TROAP: variants seen among roughly 807,000 people sequenced by gnomAD.
TROAP encodes the protein tastin.
TROAP carries 62 observed loss-of-function variants against 83.4 expected under a neutral mutation model. The observed-to-expected ratio is 0.74, with a 90% CI of 0.61 to 0.92. The LOEUF (loss-of-function observed/expected upper bound fraction) is 0.92, where lower values mean the gene tolerates loss of function less well. Ranked by LOEUF, TROAP falls within the 40% of genes least tolerant of loss-of-function variation. The pLI, the probability that TROAP is intolerant of heterozygous loss-of-function variation, is 0.00. For missense variants in TROAP, 876 were observed against 985.1 expected, an observed-to-expected ratio of 0.89 and a Z score of 1.48; for synonymous variants, 352 against 386.4, an observed-to-expected ratio of 0.91 and a Z score of 1.04.
rs765067340 is a variant in TROAP at position 49,327,181 on chromosome 12, C to T, written c.770-28C>T. The T allele has an allele frequency of 8.1e-6, 13 of 1,613,282 alleles. No individual in the cohort carries two copies. The South Asian group carries it at 1.3e-4, about 16-fold the overall frequency. On this transcript the variant is annotated intron_variant, in intron 7 of 14. Transcript: ENST00000257909. Reference sequence around the variant, plus strand: ...CAAACTTTGGTGGGTGTTCTAGAGTCTACAACAAATGTCCTGTTTCTTCCT... The same window carrying T: ...CAAACTTTGGTGGGTGTTCTAGAGTTTACAACAAATGTCCTGTTTCTTCCT...
At position 49,329,654 on chromosome 12, in the gene TROAP, T is replaced by C; in HGVS notation, c.1164+200T>C. The C allele has an allele frequency of 1.0e-6, 1 of 988,840 alleles. No homozygotes were observed. Among genetic ancestry groups the C allele is most frequent in the Non-Finnish European group, 1.5e-6 (1 of 665,740 alleles). The allele number at this position is 988,840 out of a possible 1,614,324, so 61.3% of individuals were successfully genotyped here. ...CAGCCTGGGCAACATAGTGAGACCCTGTCTCCACTAAAATTTTAAAAATTA... is the reference window on the plus strand; with the variant it reads ...CAGCCTGGGCAACATAGTGAGACCCCGTCTCCACTAAAATTTTAAAAATTA... On this transcript the variant is annotated intron_variant, in intron 11 of 14. Transcript: ENST00000257909. The surrounding 1 kb of genome is among the most constrained non-coding windows in gnomAD (Gnocchi z 4.5).
chr12:49,325,353 G>A (rs1592310211), intron 3 of TROAP, 148 bp from the exon 4 acceptor site: 2 of 798,094 alleles, frequency 2.5e-6, no homozygotes, highest in East Asian at 2.8e-5. Context: ...ACTGCACCCA[G>A]CCATCTATTT....
chr12:49,329,890 A>C lies in TROAP; in HGVS notation c.1198A>C (p.Ser400Arg). ...QVAVRLFDQE[S>R]CIRSLEGSGK... The stretch of plus-strand genomic sequence containing the variant: ...TGCCGTCCGGTTGTTTGACCAGGAG[A>C]GTTGTATAAGGTCACTGGAGGGTTC... Residue 400 changes from serine (S) to arginine (R), a missense_variant, in exon 12 of 15, where the codon AGT becomes CGT. By Grantham distance (110) the Ser-to-Arg change is moderately radical (BLOSUM62 -1). Coordinates refer to ENST00000257909, the MANE Select transcript of TROAP (RefSeq NM_005480.4). This position sits in a 1 kb window ranked among gnomAD's most constrained non-coding sequence, Gnocchi z 4.5. The C allele has an allele frequency of 1.2e-6, 2 of 1,613,522 alleles. No individual in the cohort carries two copies. Among genetic ancestry groups the C allele is most frequent in the South Asian group, 2.2e-5 (2 of 91,054 alleles).
Position 49,324,056 on chromosome 12 carries a change from G to A in TROAP, c.337+19G>A, listed in dbSNP as rs769501256. The A allele has an allele frequency of 2.5e-6, 4 of 1,612,160 alleles. No homozygotes were observed. Among genetic ancestry groups the A allele is most frequent in the Non-Finnish European group, 3.4e-6 (4 of 1,178,752 alleles). ...CAGACAGGTACCTGTTGGAGCCATG[G>A]TAACACGGCCTCCATGGCTGAGTAG... On this transcript the variant is annotated intron_variant, in intron 3 of 14. Coordinates refer to ENST00000257909, the MANE Select transcript of TROAP (RefSeq NM_005480.4).
At chr12:49,324,105 G>A (rs1323893867) in intron 3 of TROAP, 68 bp downstream of exon 3, 2 of 1,613,494 alleles carry the variant, frequency 1.2e-6, no homozygotes, top group Non-Finnish European at 1.7e-6. Context: ...GTAAAAGTGG[G>A]GTTTTGGGGT....
rs200001750 is a variant in TROAP at position 49,329,808 on chromosome 12, T to C, written c.1165-49T>C. 7.3e-5 allele frequency: 116 copies of C among 1,599,410 alleles called. No homozygotes were observed. The South Asian group carries it at 1.1e-3, about 14-fold the overall frequency. On this transcript the variant is annotated intron_variant, in intron 11 of 14. Transcript: ENST00000257909. The surrounding 1 kb of genome is among the most constrained non-coding windows in gnomAD (Gnocchi z 4.5). ...TGAGGGTGGGACTCAGGCTGGTCTT[T>C]CTCCTGCCCCAGCCTGGCTTGCTTG...
At position 49,330,296 on chromosome 12, in the gene TROAP, A is replaced by G; in HGVS notation, c.1451A>G (p.His484Arg). Residue 484 changes from histidine to arginine, a missense_variant, in exon 13 of 15, where the codon CAT becomes CGT. His to Arg is a conservative substitution (Grantham distance 29). Around this residue, in one of 3 missense-constraint regions of TROAP, gnomAD observed 689 missense variants for 722.6 expected, o/e 0.95. Coordinates refer to ENST00000257909, the MANE Select transcript of TROAP (RefSeq NM_005480.4). ...TCTAGAACTCTGAATGCCACAGAGC[A>G]TAACTCTGGGACTTCCCACCTTCCT... ...EISRTLNATE[H>R]NSGTSHLPGL... 30 of 1,612,020 alleles carry G rather than the reference A, an allele frequency of 1.9e-5. 1 individual carries two copies. Among genetic ancestry groups the G allele is most frequent in the Non-Finnish European group, 2.5e-5 (29 of 1,179,980 alleles).
chr12:49,330,597 A>G lies in TROAP; in HGVS notation c.1752A>G (p.Ala584=). ...QLEVPEPCPP[A]EPRPLESYCR... Reference sequence around the variant, plus strand: ...AGGTACCTGAGCCCTGCCCTCCAGCAGAACCCAGGCCCCTAGAGTCCTACT... The same window carrying G: ...AGGTACCTGAGCCCTGCCCTCCAGCGGAACCCAGGCCCCTAGAGTCCTACT... Residue 584 remains alanine (A), a synonymous_variant, in exon 13 of 15, where the codon GCA becomes GCG. Transcript: ENST00000257909. 4 of 1,613,044 alleles carry G rather than the reference A, an allele frequency of 2.5e-6. No homozygotes were observed. The highest frequency in any genetic ancestry group is 3.4e-6 in the Non-Finnish European group (4 of 1,179,750).
intron 6 of TROAP, 34 bp from the exon 7 acceptor site, chr12:49,326,634 A>T (rs1352511914): frequency 6.5e-7 from 1 of 1,548,776 alleles, no homozygotes; most frequent in Non-Finnish European, 8.7e-7. Flanking sequence ...CTTGGTATTC[A>T]GTGACTGCTG....
chr12:49,327,124 A>C, intron 7 of TROAP, 85 bp from the exon 8 acceptor site: 2 of 1,562,482 alleles, frequency 1.3e-6, no homozygotes, highest in Admixed American at 3.4e-5. Context: ...TTAAACTAAT[A>C]TACCCTCTTC....
intron 3 of TROAP, chr12:49,324,572 C>G (rs1943465082): frequency 5.9e-6 from 1 of 168,960 alleles, no homozygotes; most frequent in African/African-American, 2.4e-5. Context: ...AGAATAGTGT[C>G]TTATGTAACA....
At position 49,323,338 on chromosome 12, in the gene TROAP, G is replaced by A. The variant is rs191626545; in HGVS notation, c.-17G>A. Reference sequence around the variant, plus strand: ...GGAGGAAGCTGGGTAGGCCCTGAGGGGCCTCGGTAAGGTAAGGCACGGGGG... The same window carrying A: ...GGAGGAAGCTGGGTAGGCCCTGAGGAGCCTCGGTAAGGTAAGGCACGGGGG... On this transcript the variant is annotated 5_prime_UTR_variant, in exon 1 of 15. Coordinates refer to ENST00000257909, the MANE Select transcript of TROAP (RefSeq NM_005480.4). The A allele has an allele frequency of 9.7e-3, 4,130 of 425,150 alleles. 322 individuals are homozygous for A. In the East Asian group the frequency reaches 0.16, roughly 16 times the overall value. The allele number at this position is 425,150 out of a possible 1,614,324, so 26.3% of individuals were successfully genotyped here. A position where few individuals can be genotyped will look rare whatever the true frequency, so the allele number is the denominator to read the frequency against.
chr12:49,328,584 G>A (rs1181953542), intron 8 of TROAP, among the ~76,000 whole-genome samples: 1 of 152,084 alleles, frequency 6.6e-6, no homozygotes, highest in Non-Finnish European at 1.5e-5. Context: ...TAGGAAGACA[G>A]CCAGGCGTGG....
chr12:49,326,035 C>T, intron 5 of TROAP, 41 bp from the exon 6 acceptor site: 1 of 1,609,858 alleles, frequency 6.2e-7, no homozygotes. Context: ...GTTTGGGGTC[C>T]ACCTCTGATT....
chr12:49,326,550 T>C, intron 6 of TROAP, 118 bp from the exon 7 acceptor site: 1 of 1,166,564 alleles, frequency 8.6e-7, no homozygotes. Context: ...GAATAACATT[T>C]GTACCATCAT....
rs1943564424 is a variant in TROAP, at chr12:49,330,553, T to C, written c.1708T>C (p.Ser570Pro). 6.2e-7 allele frequency: 1 copy of C among 1,613,476 alleles called. No homozygotes were observed. The highest frequency in any genetic ancestry group is 1.7e-5 in the Admixed American group (1 of 60,002). ...GAGTGAGCCTGAGATACCGGAGTCC[T>C]CTCGCCAGGAACAGCTTGAGGTACC... ...CRSEPEIPES[S>P]RQEQLEVPEP... The change falls in exon 13 of 15, where the codon TCT (serine) becomes CCT (proline). Residue 570 changes from serine to proline, a missense_variant. Physicochemically the swap from Ser to Pro is moderately conservative, Grantham distance 74. This residue lies in a region of TROAP where 689 missense variants were observed against 722.6 expected (regional missense o/e 0.95). Coordinates refer to ENST00000257909, the MANE Select transcript of TROAP (RefSeq NM_005480.4).
intron 1 of TROAP, 122 bp from the exon 2 acceptor site, chr12:49,323,482 C>T (rs1592308048): frequency 1.4e-6 from 2 of 1,386,470 alleles, no homozygotes; most frequent in East Asian, 4.6e-5. Flanking sequence ...CTTGCAGGCG[C>T]CGGGGGCTTG....
chr12:49,331,206 C>A lies in TROAP; in HGVS notation c.2099-8C>A. ...CAGACCTCCCTCTAAATTTTCCATG[C>A]CCCTCAGGCCTCAGCAATCTGGCCC... On this transcript the variant is annotated splice_polypyrimidine_tract_variant and splice_region_variant and intron_variant, in intron 13 of 14. Transcript: ENST00000257909. 6.2e-7 allele frequency: 1 copy of A among 1,614,110 alleles called. No individual in the cohort carries two copies. The highest frequency in any genetic ancestry group is 1.1e-5 in the South Asian group (1 of 91,084).
chr12:49,329,496 G>A lies in TROAP; in HGVS notation c.1164+42G>A, dbSNP rs1291175031. The A allele has an allele frequency of 1.3e-6, 2 of 1,565,350 alleles. No individual in the cohort carries two copies. The highest frequency in any genetic ancestry group is 1.9e-5 in the Admixed American group (1 of 52,080). ...TCCCCCTACTGAGATCCCTTGCCCT[G>A]TGCTGCCAGCCTGGAGGCCCAGGAG... On this transcript the variant is annotated intron_variant, in intron 11 of 14. Coordinates refer to ENST00000257909, the MANE Select transcript of TROAP (RefSeq NM_005480.4). The surrounding 1 kb of genome is among the most constrained non-coding windows in gnomAD (Gnocchi z 4.5).
Sources: gnomAD v4.1 joint callset for allele counts (sites outside exome capture counted in the v4.1 genomes callset) on GRCh38, gnomAD v4.1.1 for gene constraint, gnomAD v4.1.1 regional missense constraint, Gnocchi (gnomAD v3.1) non-coding constraint, MANE v1.5 for transcripts, NCBI Gene and HGNC (gene_info 2026-07-23, HGNC 2026-07-21) for gene names.